DTNA: variants seen among roughly 807,000 people sequenced by gnomAD.
DTNA encodes dystrobrevin alpha, also known as dystrophin-related protein 3.
Under a neutral mutation model 100.7 loss-of-function variants are expected in DTNA, and 43 were observed. That is an observed-to-expected ratio of 0.43 (90% CI 0.33 to 0.55). DTNA has a LOEUF of 0.55. DTNA is among the 20% of genes least tolerant of loss of function. DTNA has a pLI of 0.04. For missense variants in DTNA, 798 were observed against 953.9 expected, an observed-to-expected ratio of 0.84 and a Z score of 2.15; for synonymous variants, 349 against 347.9, an observed-to-expected ratio of 1.00 and a Z score of -0.04.
At chr18:34,707,345 TG>T (rs1293224877), upstream of DTNA, among the ~76,000 whole-genome samples, 11 of 152,198 alleles carry the variant, frequency 7.2e-5, no homozygotes, top group Non-Finnish European at 1.6e-4. Flanking sequence ...TGAAATTAAG[TG>T]GGTCACAAGA....
At chr18:34,852,913 A>T (rs187887352) in intron 15 of DTNA, among the ~76,000 whole-genome samples, 37 of 152,278 alleles carry the variant, frequency 2.4e-4, no homozygotes, top group African/African-American at 8.9e-4. Context: ...GTTGTCACTT[A>T]TCACTATCTG....
At chr18:34,821,252 T>A (rs957498763) in intron 9 of DTNA, 10 of 455,208 alleles carry the variant, frequency 2.2e-5, no homozygotes, top group African/African-American at 2.0e-4. Flanking sequence ...TACAGTATAT[T>A]ATTCCTTAAT....
At chr18:34,510,462 A>G (rs1352625584) in intron 1 of DTNA, among the ~76,000 whole-genome samples, 6 of 151,636 alleles carry the variant, frequency 4.0e-5, no homozygotes, top group African/African-American at 1.5e-4. Context: ...AAGACTGCAT[A>G]TTTCAGCTTT....
At chr18:34,583,876 A>G (rs2048869742) in intron 1 of DTNA, among the ~76,000 whole-genome samples, 1 of 152,200 alleles carries the variant, frequency 6.6e-6, no homozygotes, top group South Asian at 2.1e-4. Flanking sequence ...CTCACCCTGT[A>G]AGAGAGATGG....
At chr18:34,614,061 G>A (rs1164515035) in intron 1 of DTNA, among the ~76,000 whole-genome samples, 2 of 152,104 alleles carry the variant, frequency 1.3e-5, no homozygotes. Flanking sequence ...ATGCTTATTT[G>A]TCATTCAAAG....
chr18:34,667,637 C>T (rs866351172), intron 1 of DTNA, among the ~76,000 whole-genome samples: 82 of 152,124 alleles, frequency 5.4e-4, no homozygotes, highest in African/African-American at 1.7e-3. Flanking sequence ...GCATGAAGGG[C>T]TGTTGAATTT....
intron 1 of DTNA, among the ~76,000 whole-genome samples, chr18:34,535,063 G>A (rs949887909): frequency 2.0e-5 from 3 of 152,060 alleles, no homozygotes; most frequent in South Asian, 2.1e-4. Context: ...TTGAGGAATC[G>A]CCACAGTGTG....
At chr18:34,701,668 C>T (rs1406154213) in intron 1 of DTNA, among the ~76,000 whole-genome samples, 1 of 152,182 alleles carries the variant, frequency 6.6e-6, no homozygotes, top group Non-Finnish European at 1.5e-5. Context: ...TCATTACATT[C>T]CCTCAGCGCA....
intron 7 of DTNA, 28 bp downstream of exon 7, chr18:34,816,042 A>G (rs759858904): frequency 6.3e-7 from 1 of 1,597,962 alleles, no homozygotes; most frequent in Non-Finnish European, 8.6e-7. Context: ...AGCAAAGGTG[A>G]TTTTTTAAAT....
chr18:34,786,410 A>T (rs538413966), intron 3 of DTNA, among the ~76,000 whole-genome samples: 2 of 152,342 alleles, frequency 1.3e-5, no homozygotes, highest in African/African-American at 4.8e-5. Flanking sequence ...GGAATATTGC[A>T]CTGAAGGTCA....
At position 34,889,081 on chromosome 18, in the gene DTNA, A is replaced by C; in HGVS notation, c.*1347A>C. On this transcript the variant is annotated 3_prime_UTR_variant, in exon 23 of 23. Coordinates refer to ENST00000444659, the MANE Select transcript of DTNA (RefSeq NM_001386795.1). ...GAGGGCCCTAAAGACCTCCTTTGGG[A>C]ATTCTGGGGAAAAAGAAAAAGTAAT... 1 of 985,550 alleles carries C rather than the reference A, an allele frequency of 1.0e-6. No individual in the cohort carries two copies. The highest frequency in any genetic ancestry group is 4.7e-5 in the South Asian group (1 of 21,290). 61.1% of individuals were successfully genotyped at this position (985,550 alleles called of 1,614,324 possible).
chr18:34,607,443 AC>A (rs1287650077), intron 1 of DTNA, among the ~76,000 whole-genome samples: 3 of 152,206 alleles, frequency 2.0e-5, no homozygotes, highest in Non-Finnish European at 4.4e-5. Context: ...TAATATTTTG[AC>A]CACTGAGGGG....
intron 2 of DTNA, among the ~76,000 whole-genome samples, chr18:34,761,971 T>C (rs2093201720): frequency 6.6e-6 from 1 of 152,148 alleles, no homozygotes; most frequent in Non-Finnish European, 1.5e-5. Context: ...AATTCTGTAC[T>C]TTTTTATTAA....
intron 1 of DTNA, among the ~76,000 whole-genome samples, chr18:34,544,692 A>C (rs1398200382): frequency 2.0e-5 from 3 of 151,974 alleles, no homozygotes; most frequent in Non-Finnish European, 4.4e-5. Flanking sequence ...CTAGTGCCTA[A>C]AGTTTTAGGT....
chr18:34,850,854 A>G (rs1334993470), intron 14 of DTNA, among the ~76,000 whole-genome samples: 2 of 152,332 alleles, frequency 1.3e-5, no homozygotes, highest in Non-Finnish European at 2.9e-5. Flanking sequence ...ATGATTAATG[A>G]TATCTATGTT....
intron 9 of DTNA, 140 bp from the exon 10 acceptor site, chr18:34,827,452 GA>G: frequency 1.3e-6 from 1 of 781,754 alleles, no homozygotes; most frequent in South Asian, 1.5e-5. Context: ...AATTTAATTG[GA>G]AAATATAAGA....
At chr18:34,693,269 TA>T (rs1327637645) in intron 1 of DTNA, among the ~76,000 whole-genome samples, 2 of 152,194 alleles carry the variant, frequency 1.3e-5, no homozygotes, top group Non-Finnish European at 2.9e-5. Context: ...TTATTTCAAG[TA>T]ATATCCTAAT....
In DTNA at chr18:34,534,836, G is replaced by C. The variant is rs151233473; in HGVS notation, c.-2+41322G>C. ...AGGACATGAACTTATTCTTTTTAAT[G>C]GCTGCATAGTATTCCATGGTATATA... On this transcript the variant is annotated intron_variant, in intron 1 of 19. Transcript: ENST00000283365. 3.0e-4 allele frequency among the ~76,000 whole-genome samples: 46 copies of C among 152,166 alleles called. 1 individual carries two copies. The East Asian group carries it at 7.8e-3, about 26-fold the overall frequency.
intron 1 of DTNA, among the ~76,000 whole-genome samples, chr18:34,698,907 A>G (rs1022861594): frequency 2.0e-5 from 3 of 151,656 alleles, no homozygotes; most frequent in African/African-American, 7.3e-5. Context: ...CAACACACTC[A>G]CCCAGGAACA....
Sources: gnomAD v4.1 joint callset for allele counts (sites outside exome capture counted in the v4.1 genomes callset) on GRCh38, gnomAD v4.1.1 for gene constraint, MANE v1.5 for transcripts, NCBI Gene and HGNC (gene_info 2026-07-23, HGNC 2026-07-21) for gene names.